Variants in FBN3 observed in about 807,000 individuals in gnomAD.
The protein encoded by FBN3 is fibrillin 3.
A neutral mutation model predicts 330.1 loss-of-function variants in FBN3; 234 were observed. The ratio of observed to expected loss-of-function variants is 0.71; its 90% CI spans 0.64 to 0.79. The LOEUF (loss-of-function observed/expected upper bound fraction) is 0.79, where lower values mean the gene tolerates loss of function less well. FBN3 is among the 30% of genes least tolerant of loss of function. FBN3 has a pLI of 0.00. For synonymous variants in FBN3, 1,458 were observed against 1,517.3 expected, an observed-to-expected ratio of 0.96 and a Z score of 0.91; for missense variants, 3,606 against 3,886.9, an observed-to-expected ratio of 0.93 and a Z score of 1.92.
chr19:8,066,083 GGAGGTGATGCATGCGAAA>G lies in FBN3; in HGVS notation c.8248_8265del (p.Phe2750_Leu2755del). 1 of 1,613,472 alleles carries G rather than the reference GGAGGTGATGCATGCGAAA, an allele frequency of 6.2e-7. No homozygotes were observed. Among genetic ancestry groups the G allele is most frequent in the Non-Finnish European group, 8.5e-7 (1 of 1,179,988 alleles). ...CCCAGCTGCAGGGAGCTGACGCCACGGAGGTGATGCATGCGAAAGAAACCTTGCTCGTTTCCGCGGACG... is the reference window on the plus strand; with the variant it reads ...CCCAGCTGCAGGGAGCTGACGCCACGGAAACCTTGCTCGTTTCCGCGGACG... On this transcript the variant is annotated inframe_deletion, in exon 64 of 64. Transcript: ENST00000600128.
chr19:8,090,270 A>G lies in FBN3; in HGVS notation c.6032-19T>C. The G allele has an allele frequency of 6.2e-7, 1 of 1,612,978 alleles. No individual in the cohort carries two copies. The highest frequency in any genetic ancestry group is 1.1e-5 in the South Asian group (1 of 91,016). On this transcript the variant is annotated intron_variant, in intron 48 of 63. Coordinates refer to ENST00000600128, the MANE Select transcript of FBN3 (RefSeq NM_032447.5). ...CGTGTGTCTGTGGGGTGGGGGCTCCATTACCCTGATTGAAAGCCGCTGGCA... is the reference window on the plus strand; with the variant it reads ...CGTGTGTCTGTGGGGTGGGGGCTCCGTTACCCTGATTGAAAGCCGCTGGCA...
At chr19:8,117,799 G>A (rs993662731) in intron 26 of FBN3, among the ~76,000 whole-genome samples, 4 of 151,824 alleles carry the variant, frequency 2.6e-5, no homozygotes, top group Non-Finnish European at 4.4e-5. Flanking sequence ...CACACCCCAC[G>A]TGCCCGCTCA....
rs2082528064 is a variant in FBN3 at position 8,109,488 on chromosome 19, A to C, written c.4457-100T>G. On this transcript the variant is annotated intron_variant, in intron 35 of 63. Transcript: ENST00000600128. This position sits in a 1 kb window ranked among gnomAD's most constrained non-coding sequence, Gnocchi z 5.2. ...ATTTCAACAGGTGACAAGGACAACCACTCTTGCAGGAGACCAGCAGATGTC... is the reference window on the plus strand; with the variant it reads ...ATTTCAACAGGTGACAAGGACAACCCCTCTTGCAGGAGACCAGCAGATGTC... The C allele has an allele frequency of 6.5e-7, 1 of 1,541,514 alleles. No homozygotes were observed. The highest frequency in any genetic ancestry group is 1.7e-5 in the Admixed American group (1 of 57,868).
Position 8,085,471 on chromosome 19 carries a change from C to A in FBN3, c.6979G>T (p.Gly2327Trp). ...EAVTRAECCC[G>W]GGRGWGPRCE... ...CGGGGCCCCCAGCCCCGGCCACCCC[C>A]ACAGCAGCACTCGGCCCTGGTGACA... The change falls in exon 56 of 64, where the codon GGG becomes TGG. Residue 2327 changes from glycine (G) to tryptophan (W), a missense_variant. Coordinates refer to ENST00000600128, the MANE Select transcript of FBN3 (RefSeq NM_032447.5). The A allele has an allele frequency of 6.3e-7, 1 of 1,586,706 alleles. No individual in the cohort carries two copies. Among genetic ancestry groups the A allele is most frequent in the Non-Finnish European group, 8.6e-7 (1 of 1,167,190 alleles).
intron 51 of FBN3, among the ~76,000 whole-genome samples, chr19:8,089,156 A>G (rs1296679058): frequency 6.6e-6 from 1 of 152,220 alleles, no homozygotes; most frequent in Non-Finnish European, 1.5e-5. Context: ...TAAGTGAATG[A>G]ATGAACAAGT....
In FBN3 at chr19:8,088,136, T is replaced by G. The variant is rs2082010189; in HGVS notation, c.6420A>C (p.Thr2140=). 1 of 1,613,394 alleles carries G rather than the reference T, an allele frequency of 6.2e-7. No homozygotes were observed. ...CGAAGCCTCCGATGACATTGGTGCA[T>G]GTCCCTTGCCCACAGGGGTGGCCGA... is the stretch of plus-strand genomic sequence containing the variant. ...CSVGHPCGQG[T]CTNVIGGFEC... Residue 2140 remains threonine, a synonymous_variant, in exon 52 of 64, where the codon ACA becomes ACC. Coordinates refer to ENST00000600128, the MANE Select transcript of FBN3 (RefSeq NM_032447.5).
intron 28 of FBN3, 139 bp from the exon 29 acceptor site, chr19:8,116,938 G>C: frequency 8.3e-7 from 1 of 1,203,376 alleles, no homozygotes; most frequent in East Asian, 2.5e-5. Context: ...GGGCGCTCAA[G>C]CAGTTCTGAG....
At chr19:8,105,458 A>G (rs1223694551) in intron 38 of FBN3, among the ~76,000 whole-genome samples, 1 of 151,798 alleles carries the variant, frequency 6.6e-6, no homozygotes, top group East Asian at 1.9e-4. Flanking sequence ...AGGTTTTGCC[A>G]TGTTGCCCAG....
rs777129016 is a variant in FBN3 at position 8,138,279 on chromosome 19, C to G, written c.1063G>C (p.Gly355Arg). Residue 355 changes from glycine (G) to arginine (R), a missense_variant, in exon 10 of 64, where the codon GGC becomes CGC. Physicochemically the swap from Gly to Arg is moderately radical, Grantham distance 125 (BLOSUM62 -2). Transcript: ENST00000600128. ...LCAQRLPLLP[G>R]HPGLFPGLLG... is the part of the protein sequence containing the mutation. ...AGGCCAGGGAAGAGGCCAGGGTGGC[C>G]GGGTAGCAGCGGCAGCCGCTGGGCG... The G allele has an allele frequency of 2.5e-6, 4 of 1,612,574 alleles. No homozygotes were observed. Among genetic ancestry groups the G allele is most frequent in the Non-Finnish European group, 3.4e-6 (4 of 1,179,622 alleles).
At position 8,072,128 on chromosome 19, in the gene FBN3, A is replaced by T. The variant is rs1008185927; in HGVS notation, c.8008T>A (p.Ser2670Thr). The change falls in exon 63 of 64, where the codon TCT becomes ACT. Residue 2670 changes from serine to threonine, a missense_variant. By Grantham distance (58) the Ser-to-Thr change is moderately conservative (BLOSUM62 1). Coordinates refer to ENST00000600128, the MANE Select transcript of FBN3 (RefSeq NM_032447.5). ...DTPDKEELLS[S>T]EACYECKING... ...ATCTTGCATTCGTAGCAGGCTTCAG[A>T]CGAGAGCAGCTCCTCTTTGTCCGGG... The T allele has an allele frequency of 3.1e-6, 5 of 1,609,820 alleles. No individual in the cohort carries two copies. In the Admixed American group the frequency reaches 8.4e-5, roughly 27 times the overall value.
intron 37 of FBN3, 60 bp downstream of exon 37, chr19:8,108,110 G>T: frequency 6.8e-7 from 1 of 1,473,882 alleles, no homozygotes; most frequent in Non-Finnish European, 9.4e-7. Context: ...GTGAGGTGGG[G>T]ATGAGAGAAA....
rs537021806 is a variant in FBN3, at chr19:8,133,554, G to A, written c.1592-448C>T. Among the ~76,000 whole-genome samples the A allele has an allele frequency of 1.3e-3, 193 of 152,120 alleles. 1 individual carries two copies. The highest frequency in any genetic ancestry group is 6.8e-3 in the Middle Eastern group (2 of 294). ...CAACCTCCGCCTCGCGGGTTCAAGC[G>A]ATTCTCCTGCTTCAGCCTCCTGAGT... On this transcript the variant is annotated intron_variant, in intron 13 of 63. Transcript: ENST00000600128.
chr19:8,148,669 G>A (rs1163819942), intron 1 of FBN3: 1 of 152,234 alleles, frequency 6.6e-6, no homozygotes, highest in African/African-American at 2.4e-5. Flanking sequence ...TTCCAGGGAG[G>A]AAAGGAACCG....
In FBN3 at chr19:8,096,390, G is replaced by A. The variant is rs1328639534; in HGVS notation, c.5539+54C>T. 1.3e-6 allele frequency: 2 copies of A among 1,584,038 alleles called. No individual in the cohort carries two copies. The highest frequency in any genetic ancestry group is 1.7e-6 in the Non-Finnish European group (2 of 1,163,156). ...AAACACCACTTCCATCCCAGGGGAG[G>A]TTTAGACCCCAGGCAGCCTGGCTTG... is the stretch of plus-strand genomic sequence containing the variant. On this transcript the variant is annotated intron_variant, in intron 44 of 63. Transcript: ENST00000600128. This position sits in a 1 kb window ranked among gnomAD's most constrained non-coding sequence, Gnocchi z 4.6.
intron 61 of FBN3, 115 bp downstream of exon 61, chr19:8,074,956 C>T: frequency 7.1e-7 from 1 of 1,415,522 alleles, no homozygotes; most frequent in East Asian, 2.4e-5. Context: ...CTGGCCTGTT[C>T]AATCTTTAGA....
Position 8,141,697 on chromosome 19 carries a change from G to T in FBN3, c.865+20C>A. ...TGAGTCACAGAGGAGGTCTCAGGTT[G>T]TCCCCCTCCAGTCACCCACCTTCAC... On this transcript the variant is annotated intron_variant, in intron 8 of 63. Coordinates refer to ENST00000600128, the MANE Select transcript of FBN3 (RefSeq NM_032447.5). 6.2e-7 allele frequency: 1 copy of T among 1,605,664 alleles called. No homozygotes were observed. Among genetic ancestry groups the T allele is most frequent in the Non-Finnish European group, 8.5e-7 (1 of 1,175,088 alleles).
chr19:8,106,634 C>T (rs755494158), intron 37 of FBN3, among the ~76,000 whole-genome samples: 1 of 150,884 alleles, frequency 6.6e-6, no homozygotes, highest in Non-Finnish European at 1.5e-5. Context: ...GGTAAATAAG[C>T]AAGTGGGTCA....
At chr19:8,123,315 T>A in intron 24 of FBN3, 149 bp downstream of exon 24, 24 of 792,290 alleles carry the variant, frequency 3.0e-5, no homozygotes, top group African/African-American at 3.6e-5. Flanking sequence ...GATCGTGCCA[T>A]TGCACTCCAG....
intron 59 of FBN3, among the ~76,000 whole-genome samples, chr19:8,077,954 G>T (rs2081680368): frequency 1.4e-5 from 2 of 139,172 alleles, no homozygotes; most frequent in Admixed American, 1.5e-4. Context: ...GCACACACCT[G>T]TAGTCCTAGC....
Sources: allele counts gnomAD v4.1 joint callset (sites outside exome capture counted in the v4.1 genomes callset), GRCh38; gene constraint gnomAD v4.1.1; non-coding constraint Gnocchi (gnomAD v3.1); transcripts MANE v1.5; gene names NCBI Gene and HGNC (gene_info 2026-07-23, HGNC 2026-07-21).